Variants in EMC4 observed in about 807,000 individuals in gnomAD.
EMC4 encodes cell proliferation-inducing gene 17 protein.
EMC4 carries 9 observed loss-of-function variants against 24.2 expected under a neutral mutation model. The observed-to-expected ratio is 0.37, with a 90% CI of 0.22 to 0.65. The LOEUF (loss-of-function observed/expected upper bound fraction) is 0.65. Ranked by LOEUF, EMC4 falls within the 30% of genes least tolerant of loss-of-function variation. The pLI is 0.59. For synonymous variants in EMC4, 86 were observed against 81.1 expected (o/e 1.06, Z -0.32); for missense variants, 169 against 234.6 (o/e 0.72, Z 1.83).
At chr15:34,228,760 C>T (rs918451308) in intron 4 of EMC4, 171 bp downstream of exon 4, 11 of 480,198 alleles carry the variant, frequency 2.3e-5, no homozygotes, top group Admixed American at 4.5e-5. Flanking sequence ...GGCATGATCT[C>T]GGCAACCTCC....
At position 34,227,509 on chromosome 15, in the gene EMC4, T is replaced by C. The variant is rs1042424210; in HGVS notation, c.202-184T>C. ...GGCATAACAGATGGTAAGGATACTT[T>C]ATCTTGAGTAGGAGAGCCTTCCTGT... On this transcript the variant is annotated intron_variant, in intron 2 of 4. Coordinates refer to ENST00000267750, the MANE Select transcript of EMC4 (RefSeq NM_016454.4). The C allele has an allele frequency of 3.0e-4, 165 of 548,308 alleles. 1 individual carries two copies. The highest frequency in any genetic ancestry group is 2.2e-4 in the Non-Finnish European group (67 of 305,092). 34.0% of individuals were successfully genotyped at this position (548,308 alleles called of 1,614,324 possible).
intron 4 of EMC4, chr15:34,229,403 A>T (rs1890767952): frequency 5.1e-6 from 1 of 194,696 alleles, no homozygotes; most frequent in Non-Finnish European, 1.0e-5. Context: ...GAGTGCAGTC[A>T]TGTGATCATG....
At chr15:34,225,229 C>A in intron 1 of EMC4, 29 bp downstream of exon 1, 7 of 1,512,970 alleles carry the variant, frequency 4.6e-6, no homozygotes, top group Non-Finnish European at 6.3e-6. Context: ...CTGTACATCA[C>A]TGTTCATCCC....
At chr15:34,229,082 CTG>C (rs1890752284) in intron 4 of EMC4, 1 of 155,998 alleles carries the variant, frequency 6.4e-6, no homozygotes. Flanking sequence ...GAGTCTCACT[CTG>C]TCGCCCAGGC....
chr15:34,229,808 G>C lies in EMC4; in HGVS notation c.*20G>C. Reference sequence around the variant, plus strand: ...TTGTGAACATGAGAAAGCAGCGCCTGGTCCCTATGTATTTGGGTCTTATTT... The same window carrying C: ...TTGTGAACATGAGAAAGCAGCGCCTCGTCCCTATGTATTTGGGTCTTATTT... On this transcript the variant is annotated 3_prime_UTR_variant, in exon 5 of 5. Coordinates refer to ENST00000267750, the MANE Select transcript of EMC4 (RefSeq NM_016454.4). 1 of 1,612,108 alleles carries C rather than the reference G, an allele frequency of 6.2e-7. No individual in the cohort carries two copies. The highest frequency in any genetic ancestry group is 8.5e-7 in the Non-Finnish European group (1 of 1,178,232).
intron 3 of EMC4, 135 bp from the exon 4 acceptor site, chr15:34,228,294 G>A: frequency 2.3e-6 from 2 of 872,040 alleles, no homozygotes; most frequent in East Asian, 2.5e-5. Context: ...GCTTACCATG[G>A]TTTTCTGTTT....
In EMC4 at chr15:34,225,600, C is replaced by T; in HGVS notation, c.151C>T (p.Gln51Ter). The change falls in exon 2 of 5, where the codon CAA (glutamine) becomes TAA (stop). Residue 51 changes from glutamine to a stop codon, truncating the protein, a stop_gained. Coordinates refer to ENST00000267750, the MANE Select transcript of EMC4 (RefSeq NM_016454.4). LOFTEE classifies it high-confidence loss of function. ...SLYPVGYLDK[Q>*]VPDTSVQETD... is the part of the protein sequence containing the mutation. ...CTACCCAGTCGGTTACTTGGACAAGCAAGTGCCTGATACCAGCGTGCAAGA... is the reference window on the plus strand; with the variant it reads ...CTACCCAGTCGGTTACTTGGACAAGTAAGTGCCTGATACCAGCGTGCAAGA... 1.2e-6 allele frequency: 2 copies of T among 1,614,150 alleles called. No homozygotes were observed. The highest frequency in any genetic ancestry group is 1.7e-6 in the Non-Finnish European group (2 of 1,180,016).
intron 4 of EMC4, 120 bp downstream of exon 4, chr15:34,228,709 TGA>T: frequency 1.8e-6 from 1 of 570,548 alleles, no homozygotes; most frequent in Non-Finnish European, 2.7e-6. Context: ...TTTTTTTTTT[TGA>T]GACGGAGTAT....
chr15:34,228,554 G>A lies in EMC4; in HGVS notation c.481G>A (p.Ala161Thr). The part of the protein sequence containing the change: ...CQSMGLLPTH[A>T]SDWLAFIEPP... ...GTCCATGGGACTGTTACCTACACAT[G>A]CATCGGATTGGTTAGCCTTCATTGA... The change falls in exon 4 of 5, where the codon GCA becomes ACA. Residue 161 changes from alanine (A) to threonine (T), a missense_variant. Coordinates refer to ENST00000267750, the MANE Select transcript of EMC4 (RefSeq NM_016454.4). 1 of 1,613,804 alleles carries A rather than the reference G, an allele frequency of 6.2e-7. No homozygotes were observed.
chr15:34,225,326 G>A, intron 1 of EMC4, 126 bp downstream of exon 1: 1 of 924,088 alleles, frequency 1.1e-6, no homozygotes, highest in Non-Finnish European at 1.6e-6. Context: ...TGGGGAGGTA[G>A]CGGCTTTTCT....
chr15:34,225,121 G>A lies in EMC4; in HGVS notation c.7G>A (p.Ala3Thr). The A allele has an allele frequency of 6.4e-7, 1 of 1,551,690 alleles. No individual in the cohort carries two copies. The highest frequency in any genetic ancestry group is 8.7e-7 in the Non-Finnish European group (1 of 1,146,966). The change falls in exon 1 of 5, where the codon GCC becomes ACC. Residue 3 changes from alanine (A) to threonine (T), a missense_variant. Coordinates refer to ENST00000267750, the MANE Select transcript of EMC4 (RefSeq NM_016454.4). The stretch of plus-strand genomic sequence containing the variant: ...ATAGGACGCAGCTGTTGCCATGACG[G>A]CCCAGGGGGGCCTGGTGGCTAACCG... MT[A>T]QGGLVANRGR...
chr15:34,227,744 TTCA>T lies in EMC4; in HGVS notation c.258_260del (p.Ile86del). 1 of 1,614,174 alleles carries T rather than the reference TTCA, an allele frequency of 6.2e-7. No homozygotes were observed. The highest frequency in any genetic ancestry group is 8.5e-7 in the Non-Finnish European group (1 of 1,179,990). On this transcript the variant is annotated inframe_deletion, in exon 3 of 5. Coordinates refer to ENST00000267750, the MANE Select transcript of EMC4 (RefSeq NM_016454.4). ...CCTCAAACAGATTCCCATGAATCTC[TTCA>T]TCATGTACATGGCAGGCAATACTAT...
chr15:34,229,467 G>A (rs1890771649), intron 4 of EMC4: 2 of 281,814 alleles, frequency 7.1e-6, no homozygotes, highest in Non-Finnish European at 1.3e-5. Context: ...CAAGTAGCTG[G>A]GACTACAGGT....
intron 4 of EMC4, 76 bp downstream of exon 4, chr15:34,228,665 T>C: frequency 9.6e-7 from 1 of 1,044,050 alleles, no homozygotes; most frequent in South Asian, 1.7e-5. Context: ...TGGTAGGAAA[T>C]TGGAGTTGGT....
In EMC4 at chr15:34,229,776, A is replaced by G. The variant is rs1166064714; in HGVS notation, c.540A>G (p.Gly180=). 1 of 1,605,404 alleles carries G rather than the reference A, an allele frequency of 6.2e-7. No individual in the cohort carries two copies. ...PPERMEFSGG[G]LLL is the part of the protein sequence containing the mutation. Reference sequence around the variant, plus strand: ...AGAGAATGGAGTTCAGTGGTGGAGGACTGCTTTTGTGAACATGAGAAAGCA... The same window carrying G: ...AGAGAATGGAGTTCAGTGGTGGAGGGCTGCTTTTGTGAACATGAGAAAGCA... Residue 180 remains glycine, a synonymous_variant, in exon 5 of 5, where the codon GGA becomes GGG. Transcript: ENST00000267750.
In EMC4 at chr15:34,229,979, A is replaced by G. The variant is rs572668012; in HGVS notation, c.*191A>G. 159 of 629,808 alleles carry G rather than the reference A, an allele frequency of 2.5e-4. No individual in the cohort carries two copies. The Middle Eastern group carries it at 3.0e-3, about 12-fold the overall frequency. The allele number at this position is 629,808 out of a possible 1,614,324, so 39.0% of individuals were successfully genotyped here. A position where few individuals can be genotyped will look rare whatever the true frequency, so the allele number is the denominator to read the frequency against. ...ATATTACGACAAACACAAAGAAACTATACCATAACCCAAGGCTGAAAATAA... is the reference window on the plus strand; with the variant it reads ...ATATTACGACAAACACAAAGAAACTGTACCATAACCCAAGGCTGAAAATAA... On this transcript the variant is annotated 3_prime_UTR_variant, in exon 5 of 5. Coordinates refer to ENST00000267750, the MANE Select transcript of EMC4 (RefSeq NM_016454.4).
In EMC4 at chr15:34,229,792, T is replaced by C. The variant is rs1254362009; in HGVS notation, c.*4T>C. 1.9e-6 allele frequency: 3 copies of C among 1,611,010 alleles called. No individual in the cohort carries two copies. The highest frequency in any genetic ancestry group is 1.7e-5 in the Admixed American group (1 of 59,528). On this transcript the variant is annotated 3_prime_UTR_variant, in exon 5 of 5. Transcript: ENST00000267750. Reference sequence around the variant, plus strand: ...TGGTGGAGGACTGCTTTTGTGAACATGAGAAAGCAGCGCCTGGTCCCTATG... The same window carrying C: ...TGGTGGAGGACTGCTTTTGTGAACACGAGAAAGCAGCGCCTGGTCCCTATG...
At chr15:34,227,393 T>G in intron 2 of EMC4, 1 of 248,574 alleles carries the variant, frequency 4.0e-6, no homozygotes, top group Non-Finnish European at 8.1e-6. Context: ...GATAGGACAT[T>G]GATAGATACA....
rs1231933438 is a variant in EMC4 at position 34,227,786 on chromosome 15, A to G, written c.295A>G (p.Thr99Ala). The G allele has an allele frequency of 1.2e-6, 2 of 1,613,942 alleles. No homozygotes were observed. The highest frequency in any genetic ancestry group is 1.1e-5 in the South Asian group (1 of 91,068). Residue 99 changes from threonine to alanine, a missense_variant, in exon 3 of 5, where the codon ACT (threonine) becomes GCT (alanine). By Grantham distance (58) the Thr-to-Ala change is moderately conservative. Transcript: ENST00000267750. ...MAGNTISIFP[T>A]MMVCMMAWRP... ...AGGCAATACTATCTCCATCTTCCCT[A>G]CTATGATGGTGTGTATGATGGCCTG...
Sources: allele counts gnomAD v4.1 joint callset, GRCh38; gene constraint gnomAD v4.1.1; transcripts MANE v1.5; gene names NCBI Gene and HGNC (gene_info 2026-07-23, HGNC 2026-07-21).